Variants in CARD8 observed in about 807,000 individuals in gnomAD.
CARD8 encodes caspase recruitment domain family member 8, also known as caspase recruitment domain-containing protein 8.
A neutral mutation model predicts 53.2 loss-of-function variants in CARD8; 38 were observed. The observed-to-expected ratio is 0.71, with a 90% CI of 0.55 to 0.94. CARD8 has a LOEUF of 0.94. Among genes scored for constraint, CARD8 ranks in the 40% least tolerant of loss-of-function variants. CARD8 has a pLI of 0.00. For synonymous variants in CARD8, 245 were observed against 244.9 expected (o/e 1.00, Z 0.00); for missense variants, 561 against 655.5 (o/e 0.86, Z 1.57).
downstream of CARD8, among the ~76,000 whole-genome samples, chr19:48,204,642 T>C (rs75669848): frequency 6.6e-6 from 1 of 152,134 alleles, no homozygotes; most frequent in African/African-American, 2.4e-5. Context: ...GATGTGACTA[T>C]AGACGGAATT....
chr19:48,224,628 G>C (rs2041356841), intron 10 of CARD8, among the ~76,000 whole-genome samples: 1 of 152,110 alleles, frequency 6.6e-6, no homozygotes, highest in African/African-American at 2.4e-5. Context: ...ATGGTTTGAA[G>C]TGAAGAAGAG....
At position 48,230,430 on chromosome 19, in the gene CARD8, C is replaced by G; in HGVS notation, c.1035+8G>C. On this transcript the variant is annotated splice_region_variant and intron_variant, in intron 10 of 13. Coordinates refer to ENST00000651546, the MANE Select transcript of CARD8 (RefSeq NM_001184900.3). Reference sequence around the variant, plus strand: ...ATCTTCTCTGGTCTCCTAAATCACTCAGCTTACCTTTGTTAGCAAGGCGTC... The same window carrying G: ...ATCTTCTCTGGTCTCCTAAATCACTGAGCTTACCTTTGTTAGCAAGGCGTC... The G allele has an allele frequency of 6.3e-7, 1 of 1,595,432 alleles. No homozygotes were observed. Among genetic ancestry groups the G allele is most frequent in the Non-Finnish European group, 8.5e-7 (1 of 1,169,646 alleles).
intron 3 of CARD8, among the ~76,000 whole-genome samples, chr19:48,247,638 G>A (rs2146977556): frequency 6.6e-6 from 1 of 151,834 alleles, no homozygotes; most frequent in African/African-American, 2.4e-5. Context: ...TTGGGGAGCA[G>A]ACTATGTGAA....
chr19:48,241,415 C>A lies in CARD8; in HGVS notation c.-43-352G>T, dbSNP rs372364178. On this transcript the variant is annotated intron_variant, in intron 3 of 13. Coordinates refer to ENST00000651546, the MANE Select transcript of CARD8 (RefSeq NM_001184900.3). ...GGATTACAGGCATGCGCCACCATAC[C>A]CGGCTAATTTTTCTATTTTTAGTAT... is the stretch of plus-strand genomic sequence containing the variant. Among the ~76,000 whole-genome samples, 42 of 152,232 alleles carry A rather than the reference C, an allele frequency of 2.8e-4. 2 individuals carry two copies. In the East Asian group the frequency reaches 3.1e-3, roughly 11 times the overall value.
chr19:48,204,674 G>A (rs1568590973), downstream of CARD8, among the ~76,000 whole-genome samples: 1 of 152,112 alleles, frequency 6.6e-6, no homozygotes, highest in Non-Finnish European at 1.5e-5. Context: ...GAGAAGGGGA[G>A]GTATAAGAAA....
At position 48,249,842 on chromosome 19, in the gene CARD8, T is replaced by C. The variant is rs980861997; in HGVS notation, c.-246A>G. The stretch of plus-strand genomic sequence containing the variant: ...AGGCTGCTCTGTGTTCTGTTCCTCT[T>C]GGTCACTTGAGAAGAAAGGGAGAAG... On this transcript the variant is annotated 5_prime_UTR_variant, in exon 2 of 14. Transcript: ENST00000651546. 7 of 152,164 alleles carry C rather than the reference T, an allele frequency of 4.6e-5. No homozygotes were observed. Among genetic ancestry groups the C allele is most frequent in the Admixed American group, 2.6e-4 (4 of 15,268 alleles). 9.4% of individuals were successfully genotyped at this position (152,164 alleles called of 1,614,324 possible). A position where few individuals can be genotyped will look rare whatever the true frequency, so the allele number is the denominator to read the frequency against.
intron 1 of CARD8, among the ~76,000 whole-genome samples, chr19:48,252,580 C>T (rs979755158): frequency 1.1e-4 from 17 of 151,630 alleles, no homozygotes; most frequent in African/African-American, 4.1e-4. Flanking sequence ...CTGCGGCCCC[C>T]ACCTCCTGGA....
rs1240537851 is a variant in CARD8 at position 48,241,006 on chromosome 19, C to G, written c.15G>C (p.Glu5Asp). The part of the protein sequence containing the change: MEKK[E>D]CPEKSSSSEE... ...CACTGCTGCTACTCTTTTCTGGACA[C>G]TCCTTTTTTTCCATTTGTCAAATGT... The change falls in exon 4 of 14, where the codon GAG becomes GAC. Residue 5 changes from glutamate (E) to aspartate (D), a missense_variant. By Grantham distance (45) the Glu-to-Asp change is conservative. Transcript: ENST00000651546. 2 of 1,536,050 alleles carry G rather than the reference C, an allele frequency of 1.3e-6. No individual in the cohort carries two copies. The highest frequency in any genetic ancestry group is 1.7e-6 in the Non-Finnish European group (2 of 1,146,754).
intron 11 of CARD8, among the ~76,000 whole-genome samples, chr19:48,219,949 C>T (rs1026322313): frequency 1.8e-4 from 27 of 152,086 alleles, no homozygotes; most frequent in African/African-American, 6.0e-4. Context: ...CCAGCCTGGG[C>T]GACAGAGTAA....
At chr19:48,232,187 C>G in intron 7 of CARD8, 2 of 575,068 alleles carry the variant, frequency 3.5e-6, no homozygotes, top group South Asian at 2.0e-5. Flanking sequence ...TCCAAAGATG[C>G]AGAGGCGAAA....
At chr19:48,213,053 T>C (rs2038357399) in intron 13 of CARD8, 1 of 152,204 alleles carries the variant, frequency 6.6e-6, no homozygotes, top group African/African-American at 2.4e-5. Context: ...GACGAAGACA[T>C]GGAGAAACAT....
Position 48,238,407 on chromosome 19 carries a change from G to T in CARD8, c.185C>A (p.Ala62Asp). Residue 62 changes from alanine (A) to aspartate (D), a missense_variant, in exon 5 of 14, where the codon GCT (alanine) becomes GAT (aspartate). Coordinates refer to ENST00000651546, the MANE Select transcript of CARD8 (RefSeq NM_001184900.3). ...CGTATCATTTGTCACACAGGCCTCA[G>T]CCTGAAAAAAAATTCCAGTTTTTGT... ...QYTKTGIFFQ[A>D]EACVTNDTVY... The T allele has an allele frequency of 6.5e-7, 1 of 1,535,966 alleles. No individual in the cohort carries two copies. The highest frequency in any genetic ancestry group is 8.7e-7 in the Non-Finnish European group (1 of 1,146,882).
chr19:48,218,826 T>C (rs1176111154), intron 12 of CARD8, 45 bp downstream of exon 12: 6 of 1,601,282 alleles, frequency 3.7e-6, no homozygotes, highest in East Asian at 2.2e-5. Context: ...TAGAGGTACA[T>C]GATGGATCCC....
chr19:48,228,393 G>C (rs1404962307), intron 10 of CARD8, among the ~76,000 whole-genome samples: 5 of 152,212 alleles, frequency 3.3e-5, no homozygotes, highest in Non-Finnish European at 7.3e-5. Flanking sequence ...GTTGGGAACT[G>C]CTGTTATAGA....
At chr19:48,203,811 C>G (rs914055086), downstream of CARD8, 1 of 212,844 alleles carries the variant, frequency 4.7e-6, no homozygotes, top group Admixed American at 5.3e-5. Flanking sequence ...CCAGTCTGCA[C>G]GAAGATCCCA....
chr19:48,204,677 A>G (rs1385172297), downstream of CARD8, among the ~76,000 whole-genome samples: 2 of 152,158 alleles, frequency 1.3e-5, no homozygotes, highest in Non-Finnish European at 2.9e-5. Flanking sequence ...AAGGGGAGGT[A>G]TAAGAAAAGG....
intron 3 of CARD8, among the ~76,000 whole-genome samples, chr19:48,244,388 CAAA>C (rs1203472745): frequency 6.6e-6 from 1 of 152,146 alleles, no homozygotes; most frequent in East Asian, 1.9e-4. Flanking sequence ...CACCGGCTGA[CAAA>C]ACTGTGTTAA....
chr19:48,229,235 A>G (rs12461734), intron 10 of CARD8, among the ~76,000 whole-genome samples: 6,052 of 152,280 alleles, frequency 0.04, 384 homozygotes, highest in African/African-American at 0.13. Flanking sequence ...AGGCTCACAG[A>G]GCTGACAGTG....
At chr19:48,235,322 G>A (rs1045440455) in intron 5 of CARD8, among the ~76,000 whole-genome samples, 2 of 152,050 alleles carry the variant, frequency 1.3e-5, no homozygotes, top group African/African-American at 4.8e-5. Flanking sequence ...AGCCACACCT[G>A]CCTATTTACA....
Sources: gnomAD v4.1 joint callset for allele counts (sites outside exome capture counted in the v4.1 genomes callset) on GRCh38, gnomAD v4.1.1 for gene constraint, MANE v1.5 for transcripts, NCBI Gene and HGNC (gene_info 2026-07-23, HGNC 2026-07-21) for gene names.